Variants in LRRK1 observed in about 807,000 individuals in gnomAD.
The protein encoded by LRRK1 is leucine-rich repeat serine/threonine-protein kinase 1.
In LRRK1, 113 loss-of-function variants were observed where a neutral mutation model predicts 209.1. That is an observed-to-expected ratio of 0.54 (90% confidence interval 0.46 to 0.63). LRRK1 has a LOEUF of 0.63. LRRK1 is among the 30% of genes least tolerant of loss of function. The probability of loss-of-function intolerance (pLI) is 0.00; values close to 1 mark genes in which losing one functional copy is unlikely to be tolerated. For synonymous variants in LRRK1, 1,144 were observed against 1,099.7 expected (o/e 1.04, Z -0.80); for missense variants, 2,284 against 2,632.2 (o/e 0.87, Z 2.89).
chr15:101,004,352 A>T (rs886710911), intron 6 of LRRK1, among the ~76,000 whole-genome samples: 4 of 151,964 alleles, frequency 2.6e-5, no homozygotes, highest in Non-Finnish European at 4.4e-5. Flanking sequence ...GGCTAGGGAG[A>T]GCTGAAAGGT....
At chr15:100,998,548 T>G (rs2032534214) in intron 6 of LRRK1, among the ~76,000 whole-genome samples, 1 of 150,534 alleles carries the variant, frequency 6.6e-6, no homozygotes, top group South Asian at 2.1e-4. Flanking sequence ...AGCAGAAACC[T>G]TGGCCAATTT....
chr15:100,963,389 A>G (rs1479829803), intron 2 of LRRK1, among the ~76,000 whole-genome samples: 1 of 152,204 alleles, frequency 6.6e-6, no homozygotes, highest in African/African-American at 2.4e-5. Flanking sequence ...GCTCGTTGCC[A>G]GCGCTGTTGT....
chr15:101,057,147 C>A, intron 28 of LRRK1, 97 bp downstream of exon 28: 2 of 1,001,040 alleles, frequency 2.0e-6, no homozygotes, highest in South Asian at 1.7e-5. Flanking sequence ...CAACCATCAC[C>A]ATTGGCAACC....
chr15:101,027,866 G>C lies in LRRK1; in HGVS notation c.2686+69G>C, dbSNP rs547682659. 7.8e-5 allele frequency: 111 copies of C among 1,421,590 alleles called. 1 individual carries two copies. In the South Asian group the frequency reaches 1.5e-3, roughly 19 times the overall value. 88.1% of individuals were successfully genotyped at this position (1,421,590 alleles called of 1,614,324 possible). On this transcript the variant is annotated intron_variant, in intron 19 of 33. Coordinates refer to ENST00000388948, the MANE Select transcript of LRRK1 (RefSeq NM_024652.6). The surrounding 1 kb of genome is among the most constrained non-coding windows in gnomAD (Gnocchi z 5.1). ...GAACTGTCTGTACTTGCTAACTTCA[G>C]CTTGGCCTCAGTAATGAATGAGAGA...
At chr15:100,994,670 GA>G (rs1368118795) in intron 6 of LRRK1, among the ~76,000 whole-genome samples, 7 of 152,240 alleles carry the variant, frequency 4.6e-5, no homozygotes, top group African/African-American at 1.7e-4. Context: ...AAGAGGAAAT[GA>G]AATTTCAGCG....
At position 101,046,040 on chromosome 15, in the gene LRRK1, AC is replaced by A; in HGVS notation, c.3027del (p.Thr1010GlnfsTer11). Reference protein sequence around the residue: ...KPGLDTHGMRHPTANTIQRVF... With the variant: ...KPGLDTHGMRXPTANTIQRVF... ...GGCCTGGACACCCACGGTATGCGGC[AC>A]CCCACAGCCAACACCATTCAGAGGG... is the stretch of plus-strand genomic sequence containing the variant. On this transcript the variant is annotated frameshift_variant, in exon 21 of 34. Coordinates refer to ENST00000388948, the MANE Select transcript of LRRK1 (RefSeq NM_024652.6). LOFTEE classifies it high-confidence loss of function. 1 of 1,614,078 alleles carries A rather than the reference AC, an allele frequency of 6.2e-7. No individual in the cohort carries two copies. The highest frequency in any genetic ancestry group is 1.3e-5 in the African/African-American group (1 of 75,014).
Position 101,012,059 on chromosome 15 carries a change from G to A in LRRK1, c.1333G>A (p.Ala445Thr). The change falls in exon 10 of 34, where the codon GCT becomes ACT. Residue 445 changes from alanine to threonine, a missense_variant. This residue lies in a region of LRRK1 where 494 missense variants were observed against 522.1 expected (regional missense o/e 0.95). Coordinates refer to ENST00000388948, the MANE Select transcript of LRRK1 (RefSeq NM_024652.6). ...CCTGGAATGTCTGCCAGACAAAATG[G>A]CTGTCTTTTGGAAAAATCACCTGAA... is the stretch of plus-strand genomic sequence containing the variant. ...NALECLPDKM[A>T]VFWKNHLKDV... The A allele has an allele frequency of 6.2e-7, 1 of 1,611,628 alleles. No homozygotes were observed. The highest frequency in any genetic ancestry group is 1.1e-5 in the South Asian group (1 of 90,618).
rs113167253 is a variant in LRRK1 at position 100,922,808 on chromosome 15, C to T, written c.-122-1703C>T. ...ACTTCAAACACAGGTGTTTCCCACA[C>T]GTGGTTTGTGTCGACCATCCCTTTT... is the stretch of plus-strand genomic sequence containing the variant. On this transcript the variant is annotated intron_variant, in intron 1 of 33. Coordinates refer to ENST00000388948, the MANE Select transcript of LRRK1 (RefSeq NM_024652.6). 2.2e-4 allele frequency among the ~76,000 whole-genome samples: 32 copies of T among 144,338 alleles called. No individual in the cohort carries two copies. In the South Asian group the frequency reaches 5.9e-3, roughly 26 times the overall value. The allele number at this position is 144,338 out of a possible 152,430, so 94.7% of individuals were successfully genotyped here. A position where few individuals can be genotyped will look rare whatever the true frequency, so the allele number is the denominator to read the frequency against.
rs187924417 is a variant in LRRK1, at chr15:100,982,321, C to T, written c.262-1207C>T. Among the ~76,000 whole-genome samples, 7 of 152,358 alleles carry T rather than the reference C, an allele frequency of 4.6e-5. No homozygotes were observed. In the East Asian group the frequency reaches 5.8e-4, roughly 13 times the overall value. ...TCCAAAGGACTTGACATTTCAGAAACGCAATCAAACACTTGACATGCCAAT... is the reference window on the plus strand; with the variant it reads ...TCCAAAGGACTTGACATTTCAGAAATGCAATCAAACACTTGACATGCCAAT... On this transcript the variant is annotated intron_variant, in intron 3 of 33. Transcript: ENST00000388948.
intron 3 of LRRK1, among the ~76,000 whole-genome samples, chr15:100,981,857 A>G (rs1233611115): frequency 6.6e-6 from 1 of 152,216 alleles, no homozygotes; most frequent in East Asian, 1.9e-4. Flanking sequence ...ATTCCTGCCC[A>G]ACTTACCTAA....
chr15:101,021,730 G>A lies in LRRK1; in HGVS notation c.1740-115G>A, dbSNP rs1319784619. 4.5e-6 allele frequency: 3 copies of A among 661,192 alleles called. No individual in the cohort carries two copies. In the Admixed American group the frequency reaches 8.8e-5, roughly 19 times the overall value. 41.0% of individuals were successfully genotyped at this position (661,192 alleles called of 1,614,324 possible). A position where few individuals can be genotyped will look rare whatever the true frequency, so the allele number is the denominator to read the frequency against. On this transcript the variant is annotated intron_variant, in intron 13 of 33. Coordinates refer to ENST00000388948, the MANE Select transcript of LRRK1 (RefSeq NM_024652.6). ...GTTGAAATCAGGGCTCAAAGTGTGG[G>A]GTCTGGGGTACAGGCTGCAGAGGCT... is the stretch of plus-strand genomic sequence containing the variant.
chr15:100,998,157 A>C (rs886520667), intron 6 of LRRK1, among the ~76,000 whole-genome samples: 1 of 151,060 alleles, frequency 6.6e-6, no homozygotes, highest in Non-Finnish European at 1.5e-5. Flanking sequence ...TTCAGCCTGG[A>C]CGACAGAACA....
intron 3 of LRRK1, among the ~76,000 whole-genome samples, chr15:100,974,890 A>G (rs1372227263): frequency 1.3e-5 from 2 of 152,250 alleles, no homozygotes; most frequent in Non-Finnish European, 2.9e-5. Flanking sequence ...GGCTATTATC[A>G]TGAAAATACC....
Position 101,024,751 on chromosome 15 carries a change from G to A in LRRK1, c.2068-52G>A. 1.3e-6 allele frequency: 2 copies of A among 1,581,722 alleles called. No homozygotes were observed. Among genetic ancestry groups the A allele is most frequent in the African/African-American group, 1.3e-5 (1 of 74,410 alleles). The stretch of plus-strand genomic sequence containing the variant: ...ATCCGTTGTCTCCGTTTGATTGACT[G>A]AAGCCTTTGTCTCTAAAATGCCTCC... On this transcript the variant is annotated intron_variant, in intron 15 of 33. Transcript: ENST00000388948. This position sits in a 1 kb window ranked among gnomAD's most constrained non-coding sequence, Gnocchi z 4.6.
At position 100,925,471 on chromosome 15, in the gene LRRK1, G is replaced by A. The variant is rs574129462; in HGVS notation, c.97+742G>A. On this transcript the variant is annotated intron_variant, in intron 2 of 33. Coordinates refer to ENST00000388948, the MANE Select transcript of LRRK1 (RefSeq NM_024652.6). Reference sequence around the variant, plus strand: ...TGGGACATTTGGGTTGCTTCTAGTTGTTTACTCCTACTGAGAGCATTTCCT... The same window carrying A: ...TGGGACATTTGGGTTGCTTCTAGTTATTTACTCCTACTGAGAGCATTTCCT... 9.9e-5 allele frequency among the ~76,000 whole-genome samples: 15 copies of A among 152,264 alleles called. No homozygotes were observed. In the South Asian group the frequency reaches 3.1e-3, roughly 32 times the overall value.
At chr15:100,957,444 T>C (rs2042789075) in intron 2 of LRRK1, among the ~76,000 whole-genome samples, 1 of 152,236 alleles carries the variant, frequency 6.6e-6, no homozygotes, top group Non-Finnish European at 1.5e-5. Flanking sequence ...TTCAGTTCTG[T>C]TAATATTTGC....
intron 2 of LRRK1, among the ~76,000 whole-genome samples, chr15:100,929,157 T>C (rs1381268230): frequency 3.9e-5 from 6 of 152,198 alleles, no homozygotes; most frequent in Non-Finnish European, 8.8e-5. Flanking sequence ...AGAGCTGTCC[T>C]GGAAAGTAGA....
chr15:101,029,687 G>T (rs1319041588), intron 20 of LRRK1, among the ~76,000 whole-genome samples: 1 of 152,082 alleles, frequency 6.6e-6, no homozygotes, highest in Non-Finnish European at 1.5e-5. Flanking sequence ...GACCAACATG[G>T]TGAAACCCCG....
chr15:101,051,811 G>A lies in LRRK1; in HGVS notation c.3540G>A (p.Glu1180=). ...GGGCCCAGCACACGGACCCCAGTGA[G>A]AAATCAGAGGATGTGCAGTACTTCG... is the stretch of plus-strand genomic sequence containing the variant. ...TAWAQHTDPS[E]KSEDVQYFDM... is the part of the protein sequence containing the mutation. The change falls in exon 24 of 34, where the codon GAG becomes GAA. Residue 1180 remains glutamate (E), a synonymous_variant. Transcript: ENST00000388948. The A allele has an allele frequency of 6.2e-7, 1 of 1,614,142 alleles. No homozygotes were observed. The highest frequency in any genetic ancestry group is 8.5e-7 in the Non-Finnish European group (1 of 1,180,038).
Sources: allele counts gnomAD v4.1 joint callset (sites outside exome capture counted in the v4.1 genomes callset), GRCh38; gene constraint gnomAD v4.1.1; regional missense constraint gnomAD v4.1.1; non-coding constraint Gnocchi (gnomAD v3.1); transcripts MANE v1.5; gene names NCBI Gene and HGNC (gene_info 2026-07-23, HGNC 2026-07-21).